SBF2: variants seen among roughly 807,000 people sequenced by gnomAD.
The protein encoded by SBF2 is myotubularin-related protein 13.
SBF2 carries 112 observed loss-of-function variants against 225.2 expected under a neutral mutation model. The ratio of observed to expected loss-of-function variants is 0.50; its 90% CI spans 0.43 to 0.58. The LOEUF is 0.58. SBF2 is among the 20% of genes least tolerant of loss of function. The pLI, the probability that SBF2 is intolerant of heterozygous loss-of-function variation, is 0.00. For missense variants in SBF2, 1,996 were observed against 2,206.2 expected (o/e 0.90, Z 1.91); for synonymous variants, 763 against 773.3 (o/e 0.99, Z 0.22).
chr11:9,967,971 C>CTCTCTCTCTATATATATATATATATATA (rs1260685462), intron 14 of SBF2, among the ~76,000 whole-genome samples: 2 of 91,508 alleles, frequency 2.2e-5, no homozygotes, highest in African/African-American at 7.6e-5. Context: ...CTCTCTCTCT[C>CTCTCTCTCTATATATATATATATATATA]TATATATATA....
chr11:10,079,533 A>G (rs1445676402), intron 2 of SBF2, among the ~76,000 whole-genome samples: 1 of 152,232 alleles, frequency 6.6e-6, no homozygotes, highest in African/African-American at 2.4e-5. Flanking sequence ...AAATTAATCC[A>G]GTTAGACAAA....
intron 2 of SBF2, among the ~76,000 whole-genome samples, chr11:10,088,356 G>A (rs1951657671): frequency 6.6e-6 from 1 of 152,138 alleles, no homozygotes; most frequent in South Asian, 2.1e-4. Context: ...AGTAGTCTAA[G>A]AGATGTGGCC....
intron 1 of SBF2, among the ~76,000 whole-genome samples, chr11:10,218,900 C>G (rs951841862): frequency 6.6e-6 from 1 of 152,184 alleles, no homozygotes; most frequent in Non-Finnish European, 1.5e-5. Flanking sequence ...CAGCTTGATT[C>G]CTGTGGCTTT....
At chr11:10,286,166 G>GCGCGCACACACACACACA (rs373771420) in intron 1 of SBF2, among the ~76,000 whole-genome samples, 1 of 147,238 alleles carries the variant, frequency 6.8e-6, no homozygotes, top group Non-Finnish European at 1.5e-5. Context: ...ACACGCACAC[G>GCGCGCACACACACACACA]CACACACACA....
chr11:9,956,902 C>T (rs769253287), intron 16 of SBF2: 14 of 152,096 alleles, frequency 9.2e-5, no homozygotes, highest in Non-Finnish European at 1.6e-4. Context: ...TGACTCTAGC[C>T]CTGTCCCCAT....
chr11:9,934,910 C>G (rs750204114), intron 16 of SBF2, among the ~76,000 whole-genome samples: 9 of 152,192 alleles, frequency 5.9e-5, no homozygotes, highest in Non-Finnish European at 8.8e-5. Flanking sequence ...CAAGGATGCC[C>G]TTTCTCACAA....
At chr11:9,928,384 T>TAA (rs1864221771) in intron 16 of SBF2, among the ~76,000 whole-genome samples, 1 of 152,104 alleles carries the variant, frequency 6.6e-6, no homozygotes, top group Non-Finnish European at 1.5e-5. Context: ...AAGTGCAAAT[T>TAA]AAAACCACAT....
At chr11:9,790,850 A>G in intron 33 of SBF2, 167 bp from the exon 34 acceptor site, 1 of 554,868 alleles carries the variant, frequency 1.8e-6, no homozygotes, top group Non-Finnish European at 3.2e-6. Flanking sequence ...AAAGACCGGA[A>G]TGAATTTCAT....
intron 13 of SBF2, among the ~76,000 whole-genome samples, chr11:9,985,113 T>C (rs776595168): frequency 6.6e-6 from 1 of 152,142 alleles, no homozygotes; most frequent in Admixed American, 6.5e-5. Context: ...AATACTAACA[T>C]TGAATGTAAA....
At chr11:10,025,343 G>A (rs1949012018) in intron 6 of SBF2, among the ~76,000 whole-genome samples, 1 of 152,040 alleles carries the variant, frequency 6.6e-6, no homozygotes, top group East Asian at 1.9e-4. Flanking sequence ...CCAGGCTGTG[G>A]CCTTTTATGG....
chr11:10,205,655 T>C (rs1176924862), intron 1 of SBF2, among the ~76,000 whole-genome samples: 1 of 152,014 alleles, frequency 6.6e-6, no homozygotes, highest in African/African-American at 2.4e-5. Flanking sequence ...GAGCAGGGGA[T>C]AGACAGCCAC....
intron 1 of SBF2, among the ~76,000 whole-genome samples, chr11:10,222,003 C>G (rs1958356319): frequency 6.6e-6 from 1 of 152,208 alleles, no homozygotes; most frequent in African/African-American, 2.4e-5. Flanking sequence ...AATCTAGTTA[C>G]AAACTCTGTA....
intron 16 of SBF2, among the ~76,000 whole-genome samples, chr11:9,949,783 A>G (rs1865755260): frequency 1.3e-5 from 2 of 152,138 alleles, no homozygotes; most frequent in Non-Finnish European, 2.9e-5. Flanking sequence ...ACGTTTTATT[A>G]AAAACATAAT....
intron 2 of SBF2, among the ~76,000 whole-genome samples, chr11:10,175,619 C>G (rs1193344349): frequency 6.6e-6 from 1 of 150,886 alleles, no homozygotes; most frequent in Admixed American, 6.6e-5. Flanking sequence ...AGAAAGTCAA[C>G]AAGGATACCC....
intron 16 of SBF2, among the ~76,000 whole-genome samples, chr11:9,914,492 A>G (rs909312902): frequency 4.6e-5 from 7 of 152,230 alleles, no homozygotes; most frequent in Non-Finnish European, 1.0e-4. Context: ...TCCAAATGCA[A>G]AAGCAGAACC....
intron 2 of SBF2, among the ~76,000 whole-genome samples, chr11:10,091,547 C>T (rs1004411262): frequency 6.6e-6 from 1 of 152,106 alleles, no homozygotes; most frequent in Admixed American, 6.5e-5. Flanking sequence ...TGAATGCTTC[C>T]GTTATAAGCT....
In SBF2 at chr11:9,808,869, T is replaced by C. The variant is rs539092560; in HGVS notation, c.4257+32A>G. On this transcript the variant is annotated intron_variant, in intron 31 of 39. Coordinates refer to ENST00000256190, the MANE Select transcript of SBF2 (RefSeq NM_030962.4). ...AAATGACCAAATGGAAATATAAATA[T>C]AAAATATCAAAAAATATGTCTAATA... The C allele has an allele frequency of 4.8e-6, 7 of 1,454,556 alleles. No individual in the cohort carries two copies. In the African/African-American group the frequency reaches 5.6e-5, roughly 12 times the overall value. 90.1% of individuals were successfully genotyped at this position (1,454,556 alleles called of 1,614,324 possible).
At chr11:9,976,143 G>A (rs1398765870) in intron 13 of SBF2, among the ~76,000 whole-genome samples, 1 of 145,236 alleles carries the variant, frequency 6.9e-6, no homozygotes, top group Non-Finnish European at 1.5e-5. Context: ...ACGTGATCTC[G>A]GCTCACTGCA....
chr11:9,783,731 T>A (rs1852185014), intron 38 of SBF2, among the ~76,000 whole-genome samples: 1 of 152,240 alleles, frequency 6.6e-6, no homozygotes, highest in Non-Finnish European at 1.5e-5. Context: ...GTCTAGTACT[T>A]GCCCACGGTG....
Sources: gnomAD v4.1 joint callset for allele counts (sites outside exome capture counted in the v4.1 genomes callset) on GRCh38, gnomAD v4.1.1 for gene constraint, MANE v1.5 for transcripts, NCBI Gene and HGNC (gene_info 2026-07-23, HGNC 2026-07-21) for gene names.